The following GALNT13 variants were observed in gnomAD, a reference collection of about 807,000 sequenced individuals.
GALNT13 encodes the protein UDP-GalNAc:polypeptide N-acetylgalactosaminyltransferase 13.
A neutral mutation model predicts 64.2 loss-of-function variants in GALNT13; 28 were observed. The observed-to-expected ratio is 0.44, with a 90% CI of 0.32 to 0.60. The LOEUF (loss-of-function observed/expected upper bound fraction) is 0.60. Ranked by LOEUF, GALNT13 falls within the 20% of genes least tolerant of loss-of-function variation. GALNT13 has a pLI of 0.05. For synonymous variants in GALNT13, 214 were observed against 224.6 expected (o/e 0.95, Z 0.42); for missense variants, 577 against 669.8 (o/e 0.86, Z 1.53).
intron 4 of GALNT13, among the ~76,000 whole-genome samples, chr2:154,190,337 CT>C (rs1686505658): frequency 1.3e-5 from 2 of 152,276 alleles, no homozygotes; most frequent in Admixed American, 6.5e-5. Flanking sequence ...GAAAATATGT[CT>C]CTGTGAACAG....
At chr2:153,628,952 T>C in the GALNT13 span, among the ~76,000 whole-genome samples, 2 of 152,180 alleles carry the variant, frequency 1.3e-5, no homozygotes, top group African/African-American at 2.4e-5. Context: ...TCTGGTAGAA[T>C]TCAGCTGTGA....
the GALNT13 span, among the ~76,000 whole-genome samples, chr2:153,336,277 G>T: frequency 2.0e-5 from 3 of 152,036 alleles, no homozygotes; most frequent in African/African-American, 4.8e-5. Flanking sequence ...ACCCCAAAAT[G>T]GTAGATCTAC....
chr2:154,439,869 GA>G, intron 12 of GALNT13, among the ~76,000 whole-genome samples: 1 of 152,116 alleles, frequency 6.6e-6, no homozygotes, highest in Non-Finnish European at 1.5e-5. Context: ...CAAACACTGA[GA>G]ATTCTTCCTA....
the GALNT13 span, among the ~76,000 whole-genome samples, chr2:153,204,510 G>A: frequency 1.3e-5 from 2 of 152,038 alleles, no homozygotes; most frequent in Non-Finnish European, 2.9e-5. Flanking sequence ...TCCCCAGAAT[G>A]GCTGGTTTGG....
intron 7 of GALNT13, among the ~76,000 whole-genome samples, chr2:154,254,957 A>G (rs746100231): frequency 6.6e-6 from 1 of 152,196 alleles, no homozygotes; most frequent in Admixed American, 6.5e-5. Flanking sequence ...AGAAGAAATT[A>G]TTAAATGCAT....
the GALNT13 span, among the ~76,000 whole-genome samples, chr2:153,714,861 C>T: frequency 2.6e-5 from 4 of 152,206 alleles, no homozygotes; most frequent in Non-Finnish European, 4.4e-5. Context: ...GCCCTTACCT[C>T]CTTCTTTTCA....
chr2:153,934,579 A>T (rs921307147), intron 2 of GALNT13, among the ~76,000 whole-genome samples: 1 of 152,176 alleles, frequency 6.6e-6, no homozygotes, highest in Admixed American at 6.5e-5. Context: ...TTTGTCACAT[A>T]TTGGTCTTTT....
At chr2:153,195,575 C>T in the GALNT13 span, among the ~76,000 whole-genome samples, 30 of 152,276 alleles carry the variant, frequency 2.0e-4, no homozygotes, top group South Asian at 5.2e-3. Context: ...CTGGAGACAC[C>T]GGGAACTGCA....
the GALNT13 span, among the ~76,000 whole-genome samples, chr2:153,083,935 A>G: frequency 2.6e-5 from 4 of 152,344 alleles, no homozygotes; most frequent in African/African-American, 9.6e-5. Flanking sequence ...ATGAGGATCC[A>G]GTTTCATTCT....
the GALNT13 span, among the ~76,000 whole-genome samples, chr2:153,764,046 T>A: frequency 9.2e-5 from 14 of 152,266 alleles, no homozygotes; most frequent in Middle Eastern, 3.4e-3. Flanking sequence ...CTGATAGTGA[T>A]ATGGACAATG....
the GALNT13 span, among the ~76,000 whole-genome samples, chr2:153,550,164 A>G: frequency 3.9e-5 from 6 of 152,128 alleles, no homozygotes; most frequent in Non-Finnish European, 7.4e-5. Flanking sequence ...GAGATTTCTT[A>G]TTCTATTATC....
the GALNT13 span, among the ~76,000 whole-genome samples, chr2:153,568,269 G>A: frequency 6.6e-6 from 1 of 152,102 alleles, no homozygotes; most frequent in East Asian, 1.9e-4. Flanking sequence ...CCAGGCTGGA[G>A]TACAGTGGGT....
the GALNT13 span, among the ~76,000 whole-genome samples, chr2:153,726,380 G>C: frequency 6.6e-6 from 1 of 151,866 alleles, no homozygotes; most frequent in African/African-American, 2.4e-5. Flanking sequence ...AGTACCTTAG[G>C]TTAATGTTTC....
At chr2:153,198,450 C>T in the GALNT13 span, among the ~76,000 whole-genome samples, 1 of 152,184 alleles carries the variant, frequency 6.6e-6, no homozygotes, top group Admixed American at 6.5e-5. Flanking sequence ...TACACCTCTC[C>T]TCTCATTCCT....
At chr2:153,460,024 G>T in the GALNT13 span, among the ~76,000 whole-genome samples, 3 of 151,974 alleles carry the variant, frequency 2.0e-5, no homozygotes, top group African/African-American at 7.3e-5. Flanking sequence ...TGGTATATGA[G>T]GATTTTTAAA....
the GALNT13 span, among the ~76,000 whole-genome samples, chr2:153,678,847 A>G: frequency 6.6e-6 from 1 of 152,008 alleles, no homozygotes; most frequent in African/African-American, 2.4e-5. Context: ...GTACTATGTC[A>G]GCTTAGCTAA....
intron 8 of GALNT13, among the ~76,000 whole-genome samples, chr2:154,284,777 C>T (rs528825279): frequency 2.7e-4 from 41 of 152,222 alleles, no homozygotes; most frequent in Admixed American, 2.4e-3. Context: ...AAACTATCTC[C>T]CAAAATAGCT....
chr2:153,904,981 A>G (rs1688459591), intron 2 of GALNT13, among the ~76,000 whole-genome samples: 1 of 151,830 alleles, frequency 6.6e-6, no homozygotes, highest in South Asian at 2.1e-4. Context: ...GTCTTTTAGG[A>G]GCCAACTTCT....
the GALNT13 span, among the ~76,000 whole-genome samples, chr2:153,371,875 G>A: frequency 1.3e-5 from 2 of 152,156 alleles, no homozygotes; most frequent in African/African-American, 4.8e-5. Context: ...GCTCTAAAAA[G>A]CCCACTGAAA....
Sources: gnomAD v4.1 joint callset for allele counts (sites outside exome capture counted in the v4.1 genomes callset) on GRCh38, gnomAD v4.1.1 for gene constraint, MANE v1.5 for transcripts, NCBI Gene and HGNC (gene_info 2026-07-23, HGNC 2026-07-21) for gene names.